Variants in ZNF516 observed in about 807,000 individuals in gnomAD.
ZNF516 encodes zinc finger protein 516.
Under a neutral mutation model 79.7 loss-of-function variants are expected in ZNF516, and 19 were observed. The observed-to-expected ratio is 0.24, with a 90% CI of 0.17 to 0.35. ZNF516 has a LOEUF of 0.35. Ranked by LOEUF, ZNF516 falls within the 10% of genes least tolerant of loss-of-function variation. The pLI is 1.00. For synonymous variants in ZNF516, 877 were observed against 739.5 expected, an observed-to-expected ratio of 1.19 and a Z score of -3.02; for missense variants, 1,678 against 1,679.5, an observed-to-expected ratio of 1.00 and a Z score of 0.02.
At chr18:76,377,715 ATT>A (rs1213742643) in intron 4 of ZNF516, among the ~76,000 whole-genome samples, 18 of 133,592 alleles carry the variant, frequency 1.3e-4, no homozygotes, top group Admixed American at 7.7e-5. Flanking sequence ...TTACAACGTT[ATT>A]TTTTTTTTTT....
At chr18:76,385,938 A>G (rs2074985151) in intron 3 of ZNF516, 1 of 152,282 alleles carries the variant, frequency 6.6e-6, no homozygotes, top group Non-Finnish European at 1.5e-5. Flanking sequence ...TGCTATTCCT[A>G]CAAAGCGGCC....
At chr18:76,483,798 T>C (rs1914669294) in intron 1 of ZNF516, among the ~76,000 whole-genome samples, 1 of 152,216 alleles carries the variant, frequency 6.6e-6, no homozygotes, top group Admixed American at 6.5e-5. Flanking sequence ...ACCTGTATCC[T>C]GGCACCCACT....
Position 76,493,220 on chromosome 18 carries a change from C to A in ZNF516, c.-272+1924G>T, listed in dbSNP as rs2145848786. On this transcript the variant is annotated intron_variant, in intron 1 of 6. Transcript: ENST00000443185. The surrounding 1 kb of genome is among the most constrained non-coding windows in gnomAD (Gnocchi z 5.2). ...TAAGGAGGGAGGCGTCAGACGATAT[C>A]CATTTAAATATATTTTGTACTTCCA... is the stretch of plus-strand genomic sequence containing the variant. The A allele has an allele frequency of 1.0e-6, 1 of 965,942 alleles. No individual in the cohort carries two copies. The highest frequency in any genetic ancestry group is 4.8e-5 in the South Asian group (1 of 20,862). 59.8% of individuals were successfully genotyped at this position (965,942 alleles called of 1,614,324 possible).
intron 3 of ZNF516, among the ~76,000 whole-genome samples, chr18:76,383,323 T>C (rs1305230571): frequency 6.6e-6 from 1 of 151,770 alleles, no homozygotes; most frequent in Admixed American, 6.6e-5. Flanking sequence ...CGCAGGATCC[T>C]CAGCAACAAG....
chr18:76,491,672 C>A, intron 1 of ZNF516: 1 of 589,192 alleles, frequency 1.7e-6, no homozygotes, highest in Non-Finnish European at 2.1e-6. Context: ...GCCACCGCCC[C>A]CACCCCGGGG....
At chr18:76,431,490 G>A (rs746645852) in intron 3 of ZNF516, among the ~76,000 whole-genome samples, 6 of 152,198 alleles carry the variant, frequency 3.9e-5, no homozygotes, top group African/African-American at 7.2e-5. Flanking sequence ...TCCTGTGCCC[G>A]GCATGACGGG....
In ZNF516 at chr18:76,441,350, T is replaced by G; in HGVS notation, c.1705A>C (p.Ser569Arg). ...LSEGDSASQP[S>R]SPGSACAAAD... ...GCGGCACAGGCGGAGCCAGGGCTGC[T>G]GGGCTGGGAGGCCGAGTCACCCTCA... The change falls in exon 3 of 7, where the codon AGC becomes CGC. Residue 569 changes from serine (S) to arginine (R), a missense_variant. Ser to Arg is a moderately radical substitution (Grantham distance 110). Transcript: ENST00000443185. 1 of 1,611,516 alleles carries G rather than the reference T, an allele frequency of 6.2e-7. No homozygotes were observed. Among genetic ancestry groups the G allele is most frequent in the Non-Finnish European group, 8.5e-7 (1 of 1,179,396 alleles).
intron 2 of ZNF516, among the ~76,000 whole-genome samples, chr18:76,456,270 C>A (rs1008710055): frequency 5.3e-5 from 8 of 152,214 alleles, no homozygotes; most frequent in Admixed American, 4.6e-4. Flanking sequence ...AGCAGTAGTG[C>A]CTATTCAGGG....
intron 3 of ZNF516, among the ~76,000 whole-genome samples, chr18:76,399,852 A>G (rs894915087): frequency 1.3e-5 from 2 of 152,040 alleles, no homozygotes; most frequent in Non-Finnish European, 2.9e-5. Context: ...AGCCCTCACC[A>G]TGTTTCTGCT....
chr18:76,477,383 G>A (rs1035130996), intron 1 of ZNF516, among the ~76,000 whole-genome samples: 2 of 152,194 alleles, frequency 1.3e-5, no homozygotes, highest in African/African-American at 2.4e-5. Context: ...ATAAGCAGGA[G>A]TAACAGGTAA....
chr18:76,485,611 C>T (rs140142371), intron 1 of ZNF516, among the ~76,000 whole-genome samples: 2,283 of 152,218 alleles, frequency 0.015, 22 homozygotes, highest in Non-Finnish European at 0.02. Context: ...GTCGACTCGA[C>T]AGCCATACAG....
Position 76,436,910 on chromosome 18 carries a change from A to C in ZNF516, c.1810+4335T>G, listed in dbSNP as rs148048239. On this transcript the variant is annotated intron_variant, in intron 3 of 6. Coordinates refer to ENST00000443185, the MANE Select transcript of ZNF516 (RefSeq NM_014643.4). The stretch of plus-strand genomic sequence containing the variant: ...TGGCAAAACCCCATGTCTACCAAAA[A>C]AATACGAAAATTAGCCACGTGTGGT... Among the ~76,000 whole-genome samples the C allele has an allele frequency of 3.6e-4, 55 of 152,146 alleles. No homozygotes were observed. The East Asian group carries it at 0.01, about 28-fold the overall frequency.
chr18:76,367,970 A>T (rs1302458159), intron 6 of ZNF516, among the ~76,000 whole-genome samples: 2 of 152,194 alleles, frequency 1.3e-5, no homozygotes, highest in African/African-American at 4.8e-5. Flanking sequence ...TGCATGATCA[A>T]AAAAAACCAC....
At chr18:76,365,963 G>A (rs1032607323) in intron 6 of ZNF516, among the ~76,000 whole-genome samples, 4 of 152,180 alleles carry the variant, frequency 2.6e-5, no homozygotes, top group African/African-American at 9.7e-5. Context: ...ACCTACCAAA[G>A]GAAGGTGTTC....
Position 76,467,482 on chromosome 18 carries a change from C to T in ZNF516, c.-271-4341G>A, listed in dbSNP as rs553233619. Among the ~76,000 whole-genome samples, 1 of 152,176 alleles carries T rather than the reference C, an allele frequency of 6.6e-6. No homozygotes were observed. Among genetic ancestry groups the T allele is most frequent in the Non-Finnish European group, 1.5e-5 (1 of 68,026 alleles). On this transcript the variant is annotated intron_variant, in intron 1 of 6. Transcript: ENST00000443185. The surrounding 1 kb of genome is among the most constrained non-coding windows in gnomAD (Gnocchi z 4.2). ...TCGCCCTAACTAGATATTAAGCACA[C>T]CTCGGGGGCAGTGCTGGAATTACAG...
chr18:76,453,067 A>G (rs1397134497), intron 2 of ZNF516, among the ~76,000 whole-genome samples: 2 of 152,206 alleles, frequency 1.3e-5, no homozygotes, highest in African/African-American at 4.8e-5. Context: ...ACTATTTTCC[A>G]AGTCTTAATA....
chr18:76,454,678 CCTGT>C (rs1185019099), intron 2 of ZNF516, among the ~76,000 whole-genome samples: 1 of 152,168 alleles, frequency 6.6e-6, no homozygotes, highest in Non-Finnish European at 1.5e-5. Context: ...CCCTGCACTG[CCTGT>C]CTAAAAATAT....
intron 1 of ZNF516, among the ~76,000 whole-genome samples, chr18:76,466,445 C>T (rs556951518): frequency 3.3e-5 from 5 of 152,314 alleles, no homozygotes; most frequent in South Asian, 2.1e-4. Context: ...GCACGGAGGC[C>T]GACGCTCTGC....
chr18:76,456,760 G>T (rs1016102531), intron 2 of ZNF516, among the ~76,000 whole-genome samples: 1 of 144,606 alleles, frequency 6.9e-6, no homozygotes, highest in Non-Finnish European at 1.5e-5. Flanking sequence ...GGTGGGGGGG[G>T]GCCAGTGGCT....
Sources: gnomAD v4.1 joint callset for allele counts (sites outside exome capture counted in the v4.1 genomes callset) on GRCh38, gnomAD v4.1.1 for gene constraint, Gnocchi (gnomAD v3.1) non-coding constraint, MANE v1.5 for transcripts, NCBI Gene and HGNC (gene_info 2026-07-23, HGNC 2026-07-21) for gene names.